The following VSTM4 variants were observed in gnomAD, a reference collection of about 807,000 sequenced individuals.
The protein encoded by VSTM4 is V-set and transmembrane domain-containing protein 4.
VSTM4 carries 20 observed loss-of-function variants against 36.4 expected under a neutral mutation model. The observed-to-expected ratio is 0.55, with a 90% CI of 0.39 to 0.80. The LOEUF (loss-of-function observed/expected upper bound fraction) is 0.80, where lower values mean the gene tolerates loss of function less well. Ranked by LOEUF, VSTM4 falls within the 30% of genes least tolerant of loss-of-function variation. The pLI, the probability that VSTM4 is intolerant of heterozygous loss-of-function variation, is 0.00. For synonymous variants in VSTM4, 182 were observed against 173.9 expected (o/e 1.05, Z -0.37); for missense variants, 392 against 404.5 (o/e 0.97, Z 0.26).
At chr10:49,024,951 T>C (rs201196273) in intron 7 of VSTM4, among the ~76,000 whole-genome samples, 1 of 144,616 alleles carries the variant, frequency 6.9e-6, no homozygotes, top group Non-Finnish European at 1.5e-5. Flanking sequence ...TGGGTTTTTT[T>C]AAAGAGGTAA....
chr10:49,101,981 G>A (rs1564595373), intron 2 of VSTM4, among the ~76,000 whole-genome samples: 1 of 144,716 alleles, frequency 6.9e-6, no homozygotes. Context: ...GCGTGTGTGT[G>A]TGTGTGTTTG....
In VSTM4 at chr10:49,077,341, C is replaced by T. The variant is rs117880273; in HGVS notation, c.527-15G>A. ...CACATAGAGATCTGAAAGGCAAGGA[C>T]AGACACGTGAGTCAGCCTTCTGGGG... On this transcript the variant is annotated splice_polypyrimidine_tract_variant and intron_variant, in intron 3 of 7. Coordinates refer to ENST00000332853, the MANE Select transcript of VSTM4 (RefSeq NM_001031746.5). The T allele has an allele frequency of 3.7e-6, 6 of 1,613,680 alleles. No individual in the cohort carries two copies. The highest frequency in any genetic ancestry group is 5.1e-6 in the Non-Finnish European group (6 of 1,179,616).
chr10:49,097,999 G>T (rs994585881), intron 2 of VSTM4, among the ~76,000 whole-genome samples: 4 of 152,184 alleles, frequency 2.6e-5, no homozygotes, highest in Non-Finnish European at 5.9e-5. Flanking sequence ...TATGATGCCT[G>T]CCAGGTATGA....
At chr10:49,112,957 G>A (rs1481637609) in intron 1 of VSTM4, among the ~76,000 whole-genome samples, 1 of 152,206 alleles carries the variant, frequency 6.6e-6, no homozygotes, top group East Asian at 1.9e-4. Flanking sequence ...TGAAGTGGGA[G>A]ATGGCCACTT....
chr10:49,033,898 A>T (rs996282247), intron 7 of VSTM4, among the ~76,000 whole-genome samples: 4 of 152,094 alleles, frequency 2.6e-5, no homozygotes, highest in African/African-American at 9.7e-5. Flanking sequence ...TACCACCGCC[A>T]TCACCACCAT....
chr10:49,033,893 C>T (rs12782892), intron 7 of VSTM4, among the ~76,000 whole-genome samples: 25,984 of 151,986 alleles, frequency 0.17, 2,444 homozygotes, highest in South Asian at 0.36. Context: ...ATTATTACCA[C>T]CGCCATCACC....
intron 1 of VSTM4, 68 bp from the exon 2 acceptor site, chr10:49,108,063 C>A: frequency 1.4e-6 from 2 of 1,472,310 alleles, no homozygotes; most frequent in South Asian, 2.7e-5. Flanking sequence ...AGTCCACAGT[C>A]GAGGAGCCAG....
chr10:49,018,320 T>G lies in VSTM4; in HGVS notation c.*1330A>C, dbSNP rs1843131804. 6.6e-6 allele frequency: 1 copy of G among 152,232 alleles called. No individual in the cohort carries two copies. The highest frequency in any genetic ancestry group is 1.5e-5 in the Non-Finnish European group (1 of 68,046). The allele number at this position is 152,232 out of a possible 1,614,324, so 9.4% of individuals were successfully genotyped here. On this transcript the variant is annotated 3_prime_UTR_variant, in exon 8 of 8. Transcript: ENST00000332853. ...ACTGGCAAGATTCATTATCCCATTT[T>G]ACCCTCAAGAATTCTATGGGAAGTT...
chr10:49,019,636 A>T lies in VSTM4; in HGVS notation c.*14T>A. The T allele has an allele frequency of 1.3e-6, 2 of 1,595,898 alleles. No homozygotes were observed. The highest frequency in any genetic ancestry group is 1.7e-6 in the Non-Finnish European group (2 of 1,170,802). On this transcript the variant is annotated 3_prime_UTR_variant, in exon 8 of 8. Transcript: ENST00000332853. ...TGGCAGGTATTAAATAGAACCTTGG[A>T]GGTGGACGCTGTACTACAGCTTGTT...
intron 7 of VSTM4, among the ~76,000 whole-genome samples, chr10:49,039,752 T>C (rs185643183): frequency 2.6e-5 from 4 of 152,322 alleles, no homozygotes; most frequent in South Asian, 4.1e-4. Flanking sequence ...AATGTTGAGA[T>C]GCTGACTGCC....
chr10:49,024,989 G>T (rs1843235808), intron 7 of VSTM4, among the ~76,000 whole-genome samples: 1 of 151,940 alleles, frequency 6.6e-6, no homozygotes, highest in Non-Finnish European at 1.5e-5. Context: ...CATTAGGGTG[G>T]GCTCTGATCC....
At chr10:49,085,738 C>T (rs569247147) in intron 3 of VSTM4, among the ~76,000 whole-genome samples, 1 of 151,140 alleles carries the variant, frequency 6.6e-6, no homozygotes, top group Non-Finnish European at 1.5e-5. Flanking sequence ...TGCATCTTAT[C>T]GTGGGGTGGG....
At chr10:49,094,351 A>G (rs1287760611) in intron 2 of VSTM4, among the ~76,000 whole-genome samples, 2 of 152,226 alleles carry the variant, frequency 1.3e-5, no homozygotes, top group African/African-American at 2.4e-5. Context: ...GGAAGCAGAA[A>G]GTCCAAAGAT....
intron 7 of VSTM4, among the ~76,000 whole-genome samples, chr10:49,039,942 A>T (rs1286282917): frequency 6.6e-6 from 1 of 152,232 alleles, no homozygotes; most frequent in Non-Finnish European, 1.5e-5. Flanking sequence ...TGAAACAAGG[A>T]AGTAATGACA....
At chr10:49,022,569 T>A (rs1041488857) in intron 7 of VSTM4, among the ~76,000 whole-genome samples, 1 of 152,108 alleles carries the variant, frequency 6.6e-6, no homozygotes, top group Non-Finnish European at 1.5e-5. Flanking sequence ...TAAGATCATT[T>A]ATAGGGATGG....
In VSTM4 at chr10:49,058,067, C is replaced by T. The variant is rs547575811; in HGVS notation, c.668+6636G>A. On this transcript the variant is annotated intron_variant, in intron 5 of 7. Coordinates refer to ENST00000332853, the MANE Select transcript of VSTM4 (RefSeq NM_001031746.5). The stretch of plus-strand genomic sequence containing the variant: ...TCTAATGAGAGGCCATTGGACCTCT[C>T]GAAGTCAGGGGGCTGCAATGTCTCT... Among the ~76,000 whole-genome samples the T allele has an allele frequency of 3.3e-5, 5 of 152,272 alleles. No individual in the cohort carries two copies. In the East Asian group the frequency reaches 5.8e-4, roughly 18 times the overall value.
At chr10:49,029,741 C>A (rs1373223554) in intron 7 of VSTM4, among the ~76,000 whole-genome samples, 1 of 152,226 alleles carries the variant, frequency 6.6e-6, no homozygotes, top group East Asian at 1.9e-4. Flanking sequence ...CAATCCCACA[C>A]CACTCAGTAG....
chr10:49,015,695 G>A lies in VSTM4; in HGVS notation c.*3955C>T, dbSNP rs1348551062. ...CCTCACTTTTTAATGGGCTCCAAAT[G>A]ACACAGAGCTGGGTCACCTGGGTCT... On this transcript the variant is annotated 3_prime_UTR_variant, in exon 8 of 8. Coordinates refer to ENST00000332853, the MANE Select transcript of VSTM4 (RefSeq NM_001031746.5). The A allele has an allele frequency of 6.6e-6, 1 of 152,256 alleles. No individual in the cohort carries two copies. The highest frequency in any genetic ancestry group is 2.4e-5 in the African/African-American group (1 of 41,424). The allele number at this position is 152,256 out of a possible 1,614,324, so 9.4% of individuals were successfully genotyped here. A position where few individuals can be genotyped will look rare whatever the true frequency, so the allele number is the denominator to read the frequency against.
At chr10:49,032,465 C>T (rs1042060618) in intron 7 of VSTM4, among the ~76,000 whole-genome samples, 6 of 152,184 alleles carry the variant, frequency 3.9e-5, no homozygotes, top group African/African-American at 1.4e-4. Flanking sequence ...GTGTGACTAC[C>T]CTTACCACAG....
Sources: allele counts gnomAD v4.1 joint callset (sites outside exome capture counted in the v4.1 genomes callset), GRCh38; gene constraint gnomAD v4.1.1; transcripts MANE v1.5; gene names NCBI Gene and HGNC (gene_info 2026-07-23, HGNC 2026-07-21).